The following STIM1 variants were observed in gnomAD, a reference collection of about 807,000 sequenced individuals.
STIM1 encodes the protein stromal interaction molecule 1.
STIM1 carries 25 observed loss-of-function variants against 74.7 expected under a neutral mutation model. That is an observed-to-expected ratio of 0.33 (90% confidence interval 0.24 to 0.47). The LOEUF is 0.47. STIM1 is among the 20% of genes least tolerant of loss of function. The probability of loss-of-function intolerance (pLI) is 1.00; values close to 1 mark genes in which losing one functional copy is unlikely to be tolerated. For synonymous variants in STIM1, 328 were observed against 348.8 expected (o/e 0.94, Z 0.66); for missense variants, 728 against 920.8 (o/e 0.79, Z 2.71).
intron 5 of STIM1, 153 bp downstream of exon 5, chr11:4,059,549 A>C: frequency 1.5e-6 from 1 of 657,436 alleles, no homozygotes; most frequent in Non-Finnish European, 2.7e-6. Context: ...AAAGAGTCTT[A>C]CATTTTAGTC....
chr11:3,920,066 A>C (rs2092698380), intron 1 of STIM1, among the ~76,000 whole-genome samples: 1 of 152,116 alleles, frequency 6.6e-6, no homozygotes, highest in Non-Finnish European at 1.5e-5. Flanking sequence ...TAGCAGAGCA[A>C]GACCCCTGTT....
At chr11:4,023,783 A>G (rs2093977452) in intron 2 of STIM1, 90 bp from the exon 3 acceptor site, 2 of 867,228 alleles carry the variant, frequency 2.3e-6, no homozygotes, top group African/African-American at 1.7e-5. Flanking sequence ...GGAATGTGTT[A>G]TGGCTAGCTA....
At chr11:4,061,680 G>T (rs571298181) in intron 5 of STIM1, among the ~76,000 whole-genome samples, 69 of 152,050 alleles carry the variant, frequency 4.5e-4, no homozygotes, top group African/African-American at 1.6e-3. Context: ...ACTCAAACAA[G>T]TACATGTACA....
At chr11:4,067,352 G>T (rs896949914) in intron 5 of STIM1, among the ~76,000 whole-genome samples, 2 of 152,176 alleles carry the variant, frequency 1.3e-5, no homozygotes, top group African/African-American at 4.8e-5. Flanking sequence ...TGGTTATTTG[G>T]CCTTGGGGTA....
At chr11:3,881,710 A>C (rs181045796) in intron 1 of STIM1, among the ~76,000 whole-genome samples, 122 of 109,416 alleles carry the variant, frequency 1.1e-3, no homozygotes, top group African/African-American at 4.0e-3. Context: ...TTGAGATGGA[A>C]TCTCGCTCTG....
chr11:3,869,184 T>C (rs1843080127), intron 1 of STIM1, among the ~76,000 whole-genome samples: 1 of 152,214 alleles, frequency 6.6e-6, no homozygotes, highest in Admixed American at 6.5e-5. Context: ...TTAGCCAGAA[T>C]GGTCTTGATC....
At chr11:3,875,281 G>A (rs553224027) in intron 1 of STIM1, among the ~76,000 whole-genome samples, 4 of 152,282 alleles carry the variant, frequency 2.6e-5, no homozygotes, top group Non-Finnish European at 5.9e-5. Context: ...CCTGGCAAAG[G>A]CAAACACATG....
chr11:3,958,127 A>G (rs773418684), intron 1 of STIM1, among the ~76,000 whole-genome samples: 31 of 152,170 alleles, frequency 2.0e-4, no homozygotes, highest in Non-Finnish European at 4.0e-4. Context: ...GCCTCCCAAG[A>G]TGCTGGAATT....
rs1216842886 is a variant in STIM1 at position 3,967,610 on chromosome 11, G to A, written c.198G>A (p.Glu66=). The part of the protein sequence containing the change: ...CHSEDEKLSF[E]AVRNIHKLMD... Reference sequence around the variant, plus strand: ...GTGAGGATGAGAAACTCAGCTTCGAGGCAGTCCGTAACATCCACAAACTGA... The same window carrying A: ...GTGAGGATGAGAAACTCAGCTTCGAAGCAGTCCGTAACATCCACAAACTGA... The change falls in exon 2 of 13, where the codon GAG becomes GAA. Residue 66 remains glutamate (E), a synonymous_variant. Coordinates refer to ENST00000526596, the MANE Select transcript of STIM1 (RefSeq NM_001382567.1). The A allele has an allele frequency of 1.9e-6, 3 of 1,614,112 alleles. No homozygotes were observed. Among genetic ancestry groups the A allele is most frequent in the Non-Finnish European group, 2.5e-6 (3 of 1,180,054 alleles).
intron 3 of STIM1, among the ~76,000 whole-genome samples, chr11:4,046,614 C>T (rs1439839377): frequency 6.6e-6 from 1 of 152,092 alleles, no homozygotes; most frequent in African/African-American, 2.4e-5. Context: ...CTTTGCATCA[C>T]ATCCTGGGCT....
chr11:3,919,226 A>T (rs2092687856), intron 1 of STIM1, among the ~76,000 whole-genome samples: 1 of 152,064 alleles, frequency 6.6e-6, no homozygotes, highest in African/African-American at 2.4e-5. Context: ...TTTTTTTGAG[A>T]TGGAGTTTCG....
At chr11:3,918,541 A>AAAAG (rs71047189) in intron 1 of STIM1, among the ~76,000 whole-genome samples, 2,095 of 146,320 alleles carry the variant, frequency 0.014, 50 homozygotes, top group African/African-American at 0.051. Flanking sequence ...CTCAAAAAAA[A>AAAAG]AAAGAAAGAA....
intron 2 of STIM1, among the ~76,000 whole-genome samples, chr11:4,009,429 A>G (rs1244728743): frequency 1.1e-4 from 16 of 152,076 alleles, no homozygotes; most frequent in Admixed American, 1.0e-3. Context: ...CCTGGCCAAC[A>G]TGCTGAAACC....
chr11:3,874,317 T>A (rs1227490623), intron 1 of STIM1, among the ~76,000 whole-genome samples: 1 of 152,196 alleles, frequency 6.6e-6, no homozygotes, highest in Non-Finnish European at 1.5e-5. Flanking sequence ...CTCTGGTATG[T>A]GTTCCTCTTC....
chr11:3,972,139 A>T (rs149260527), intron 2 of STIM1, among the ~76,000 whole-genome samples: 1 of 152,162 alleles, frequency 6.6e-6, no homozygotes, highest in Non-Finnish European at 1.5e-5. Flanking sequence ...AGCCTTGCTG[A>T]TTACTCAAGA....
intron 2 of STIM1, among the ~76,000 whole-genome samples, chr11:3,991,624 G>A (rs1021888637): frequency 7.9e-5 from 12 of 151,852 alleles, no homozygotes; most frequent in African/African-American, 2.9e-4. Flanking sequence ...GGATCGAATG[G>A]TAGTTCTATT....
chr11:4,019,786 C>A (rs544287283), intron 2 of STIM1, among the ~76,000 whole-genome samples: 9 of 152,126 alleles, frequency 5.9e-5, no homozygotes, highest in Non-Finnish European at 1.0e-4. Context: ...TATATCATTT[C>A]TTTGTGGTGA....
chr11:4,030,272 T>G (rs1200281831), intron 3 of STIM1, among the ~76,000 whole-genome samples: 1 of 145,758 alleles, frequency 6.9e-6, no homozygotes, highest in Non-Finnish European at 1.5e-5. Flanking sequence ...GAGGTTGCAG[T>G]AAGCTGAGAT....
At chr11:3,858,525 G>T (rs1387560667) in intron 1 of STIM1, among the ~76,000 whole-genome samples, 1 of 152,150 alleles carries the variant, frequency 6.6e-6, no homozygotes, top group South Asian at 2.1e-4. Flanking sequence ...GTTGTGGTAG[G>T]TTTTCCCCTT....
Sources: allele counts gnomAD v4.1 joint callset (sites outside exome capture counted in the v4.1 genomes callset), GRCh38; gene constraint gnomAD v4.1.1; transcripts MANE v1.5; gene names NCBI Gene and HGNC (gene_info 2026-07-23, HGNC 2026-07-21).